Variants in BICD1 observed in about 807,000 individuals in gnomAD.
BICD1 encodes the protein BICD cargo adaptor 1.
A neutral mutation model predicts 92.5 loss-of-function variants in BICD1; 35 were observed. That is an observed-to-expected ratio of 0.38 (90% CI 0.29 to 0.50). BICD1 has a LOEUF of 0.50. Among genes scored for constraint, BICD1 ranks in the 20% least tolerant of loss-of-function variants. The pLI, the probability that BICD1 is intolerant of heterozygous loss-of-function variation, is 0.93. For synonymous variants in BICD1, 429 were observed against 465.1 expected (o/e 0.92, Z 1.00); for missense variants, 950 against 1,189.8 (o/e 0.80, Z 2.97).
intron 1 of BICD1, among the ~76,000 whole-genome samples, chr12:32,197,399 T>G (rs777923057): frequency 2.2e-4 from 34 of 152,206 alleles, no homozygotes; most frequent in Non-Finnish European, 1.3e-4. Context: ...GGTTATGAGT[T>G]GGGGTGGAAA....
chr12:32,284,357 C>T (rs971865126), intron 2 of BICD1, among the ~76,000 whole-genome samples: 3 of 152,200 alleles, frequency 2.0e-5, no homozygotes, highest in African/African-American at 7.2e-5. Context: ...TAGGATACAT[C>T]ATTGACTCTC....
chr12:32,337,843 C>T lies in BICD1; in HGVS notation c.2570+27C>T, dbSNP rs183649090. ...TATGCATGCAGCGATCTTCATAGTA[C>T]GGTGCAGTGGCCAGATTTTAGTTAA... On this transcript the variant is annotated intron_variant, in intron 7 of 9. Coordinates refer to ENST00000652176, the MANE Select transcript of BICD1 (RefSeq NM_001714.4). The surrounding 1 kb of genome is among the most constrained non-coding windows in gnomAD (Gnocchi z 4.7). 3,363 of 1,606,460 alleles carry T rather than the reference C, an allele frequency of 2.1e-3. 5 individuals are homozygous for T. Among genetic ancestry groups the T allele is most frequent in the Non-Finnish European group, 2.5e-3 (2,974 of 1,173,470 alleles).
Position 32,311,362 on chromosome 12 carries a change from G to A in BICD1, c.1005+5240G>A, listed in dbSNP as rs138745324. Among the ~76,000 whole-genome samples the A allele has an allele frequency of 3.5e-3, 536 of 152,266 alleles. 13 individuals are homozygous for A. The East Asian group carries it at 0.082, about 23-fold the overall frequency. On this transcript the variant is annotated intron_variant, in intron 4 of 9. Coordinates refer to ENST00000652176, the MANE Select transcript of BICD1 (RefSeq NM_001714.4). ...AAAAATACAAAAATTAGCTGGGCAT[G>A]GTGATGCATGCCTGTAGTCCCAGCT... is the stretch of plus-strand genomic sequence containing the variant.
rs1592496962 is a variant in BICD1, at chr12:32,218,676, A to G, written c.426+2217A>G. Among the ~76,000 whole-genome samples the G allele has an allele frequency of 3.3e-5, 5 of 152,330 alleles. No individual in the cohort carries two copies. In the South Asian group the frequency reaches 1.0e-3, roughly 32 times the overall value. ...CATTTAGGTATTTTTGATCTAAAACAGCTTGAGGCACTTTAGCCTATGAAT... is the reference window on the plus strand; with the variant it reads ...CATTTAGGTATTTTTGATCTAAAACGGCTTGAGGCACTTTAGCCTATGAAT... On this transcript the variant is annotated intron_variant, in intron 2 of 9. Transcript: ENST00000652176.
chr12:32,284,637 G>A (rs549438475), intron 2 of BICD1, among the ~76,000 whole-genome samples: 1 of 152,260 alleles, frequency 6.6e-6, no homozygotes, highest in African/African-American at 2.4e-5. Flanking sequence ...AGAGTCACTT[G>A]GCAAAACGTA....
At chr12:32,340,687 G>T (rs115470873) in intron 8 of BICD1, 131 of 292,630 alleles carry the variant, frequency 4.5e-4, no homozygotes, top group African/African-American at 2.8e-3. Flanking sequence ...CATTGTTTAA[G>T]CCATGAACAT....
chr12:32,301,551 G>C (rs1289187165), intron 3 of BICD1, among the ~76,000 whole-genome samples: 1 of 151,994 alleles, frequency 6.6e-6, no homozygotes, highest in Non-Finnish European at 1.5e-5. Context: ...GAGGTGGAAG[G>C]ATTGCTTCGG....
chr12:32,218,548 A>G (rs1450126287), intron 2 of BICD1, among the ~76,000 whole-genome samples: 1 of 152,236 alleles, frequency 6.6e-6, no homozygotes. Context: ...GGACATTGCT[A>G]TAAGCACCAT....
At chr12:32,175,970 G>T (rs1377477081) in intron 1 of BICD1, among the ~76,000 whole-genome samples, 1 of 152,178 alleles carries the variant, frequency 6.6e-6, no homozygotes, top group Non-Finnish European at 1.5e-5. Flanking sequence ...TCATATAAAT[G>T]AGATGGTACC....
At chr12:32,363,889 A>T (rs1178409639) in intron 8 of BICD1, among the ~76,000 whole-genome samples, 2 of 152,160 alleles carry the variant, frequency 1.3e-5, no homozygotes, top group African/African-American at 4.8e-5. Context: ...CCCTTTCCTT[A>T]TAGATGAAGT....
chr12:32,191,337 G>A (rs1944560589), intron 1 of BICD1, among the ~76,000 whole-genome samples: 1 of 150,620 alleles, frequency 6.6e-6, no homozygotes, highest in South Asian at 2.1e-4. Flanking sequence ...GAAAAAAAGA[G>A]AGAACTCAAA....
At chr12:32,118,659 T>C (rs1015841640) in intron 1 of BICD1, among the ~76,000 whole-genome samples, 3 of 152,188 alleles carry the variant, frequency 2.0e-5, no homozygotes, top group Non-Finnish European at 4.4e-5. Flanking sequence ...TACTACACTA[T>C]TTTATCTCAG....
At position 32,338,945 on chromosome 12, in the gene BICD1, C is replaced by A; in HGVS notation, c.2730C>A (p.Leu910=). The A allele has an allele frequency of 6.2e-7, 1 of 1,603,430 alleles. No individual in the cohort carries two copies. ...GTGAATTCATCCAAGGGCACCGGCT[C>A]AGCAAGGAAAAAAGGTTAACCGTGG... The part of the protein sequence containing the change: ...SMSEFIQGHR[L]SKEKRLTVAP... The change falls in exon 8 of 10, where the codon CTC becomes CTA. Residue 910 remains leucine (L), a synonymous_variant. Coordinates refer to ENST00000652176, the MANE Select transcript of BICD1 (RefSeq NM_001714.4).
chr12:32,307,698 G>A (rs2136222603), intron 4 of BICD1, among the ~76,000 whole-genome samples: 1 of 152,292 alleles, frequency 6.6e-6, no homozygotes, highest in South Asian at 2.1e-4. Context: ...AGAACAGAGA[G>A]CCAATGATGT....
chr12:32,336,841 G>C (rs1938146429), intron 6 of BICD1, among the ~76,000 whole-genome samples: 1 of 152,232 alleles, frequency 6.6e-6, no homozygotes, highest in Non-Finnish European at 1.5e-5. Flanking sequence ...GCTGGGTGCA[G>C]TGGCTGATAC....
chr12:32,308,703 T>A (rs1274117455), intron 4 of BICD1, among the ~76,000 whole-genome samples: 1 of 152,130 alleles, frequency 6.6e-6, no homozygotes, highest in Non-Finnish European at 1.5e-5. Flanking sequence ...TGCAAGAAGG[T>A]CTGAAAAAGG....
chr12:32,279,480 T>A (rs1947361327), intron 2 of BICD1, among the ~76,000 whole-genome samples: 1 of 152,224 alleles, frequency 6.6e-6, no homozygotes, highest in Non-Finnish European at 1.5e-5. Flanking sequence ...TGTCAATACG[T>A]ATTCGTTTAT....
In BICD1 at chr12:32,365,809, T is replaced by C. The variant is rs543187409; in HGVS notation, c.2765-1861T>C. On this transcript the variant is annotated intron_variant, in intron 8 of 9. Coordinates refer to ENST00000652176, the MANE Select transcript of BICD1 (RefSeq NM_001714.4). The stretch of plus-strand genomic sequence containing the variant: ...GATTTTTAAAAGACAAAAGAATGCA[T>C]TCCTTAAGACTCTGAGTTTCTACAA... 2.6e-5 allele frequency among the ~76,000 whole-genome samples: 4 copies of C among 152,298 alleles called. No individual in the cohort carries two copies. In the South Asian group the frequency reaches 6.2e-4, roughly 24 times the overall value.
At chr12:32,338,530 C>T in intron 7 of BICD1, 1 of 339,516 alleles carries the variant, frequency 2.9e-6, no homozygotes, top group Non-Finnish European at 5.2e-6. Flanking sequence ...TCATTAAAGA[C>T]TCAAATAATA....
Sources: gnomAD v4.1 joint callset for allele counts (sites outside exome capture counted in the v4.1 genomes callset) on GRCh38, gnomAD v4.1.1 for gene constraint, Gnocchi (gnomAD v3.1) non-coding constraint, MANE v1.5 for transcripts, NCBI Gene and HGNC (gene_info 2026-07-23, HGNC 2026-07-21) for gene names.